CCDC149: variants seen among roughly 807,000 people sequenced by gnomAD.
CCDC149 encodes the protein coiled-coil domain-containing protein 149.
Under a neutral mutation model 59.9 loss-of-function variants are expected in CCDC149, and 45 were observed. The observed-to-expected ratio is 0.75, with a 90% CI of 0.59 to 0.96. The LOEUF is 0.96. CCDC149 is among the 40% of genes least tolerant of loss of function. The probability of loss-of-function intolerance (pLI) is 0.00; values close to 1 mark genes in which losing one functional copy is unlikely to be tolerated. For missense variants in CCDC149, 584 were observed against 664.7 expected (o/e 0.88, Z 1.33); for synonymous variants, 245 against 260.6 (o/e 0.94, Z 0.58).
chr4:24,894,856 C>A, intron 1 of CCDC149: 1 of 1,089,956 alleles, frequency 9.2e-7, no homozygotes, highest in Non-Finnish European at 1.3e-6. Flanking sequence ...AAGTCGCTGA[C>A]ACCCCTGCAG....
At chr4:24,968,337 C>G (rs1454224255) in intron 1 of CCDC149, among the ~76,000 whole-genome samples, 1 of 152,202 alleles carries the variant, frequency 6.6e-6, no homozygotes, top group African/African-American at 2.4e-5. Context: ...ACAGGATGGG[C>G]TGCAGTCATT....
At chr4:24,847,550 T>G (rs1717382119) in intron 4 of CCDC149, among the ~76,000 whole-genome samples, 1 of 152,224 alleles carries the variant, frequency 6.6e-6, no homozygotes, top group Admixed American at 6.5e-5. Context: ...TGTCCTCAGA[T>G]GCTAGAAAGT....
intron 4 of CCDC149, among the ~76,000 whole-genome samples, chr4:24,849,396 A>T (rs1400194742): frequency 6.6e-6 from 1 of 152,102 alleles, no homozygotes. Context: ...CACATCTCTC[A>T]TCTGGTTTGG....
chr4:24,916,310 G>T (rs893618107), upstream of CCDC149, among the ~76,000 whole-genome samples: 1 of 152,172 alleles, frequency 6.6e-6, no homozygotes, highest in Non-Finnish European at 1.5e-5. Flanking sequence ...TTAAAAGTTT[G>T]AGAGGGTTTT....
chr4:24,832,055 A>C (rs1716188754), intron 8 of CCDC149, among the ~76,000 whole-genome samples: 2 of 152,200 alleles, frequency 1.3e-5, no homozygotes, highest in South Asian at 4.1e-4. Flanking sequence ...TGCAAATGAC[A>C]ATCACTCCTA....
At chr4:24,819,003 A>C (rs58726197) in intron 12 of CCDC149, among the ~76,000 whole-genome samples, 1,755 of 152,318 alleles carry the variant, frequency 0.012, 30 homozygotes, top group African/African-American at 0.04. Flanking sequence ...TGTTGGGAAG[A>C]CAAGACTCCC....
At chr4:24,962,069 A>C (rs1268504199) in intron 1 of CCDC149, among the ~76,000 whole-genome samples, 2 of 151,522 alleles carry the variant, frequency 1.3e-5, no homozygotes, top group Non-Finnish European at 1.5e-5. Context: ...CATCTGACAA[A>C]GGGCTAATAT....
chr4:24,815,005 A>G (rs1714921518), intron 12 of CCDC149, among the ~76,000 whole-genome samples: 1 of 152,244 alleles, frequency 6.6e-6, no homozygotes. Context: ...AAATCTGGCC[A>G]GAAGTAATAT....
At chr4:24,825,629 T>C (rs535027811) in intron 9 of CCDC149, among the ~76,000 whole-genome samples, 13 of 151,756 alleles carry the variant, frequency 8.6e-5, no homozygotes, top group Admixed American at 5.9e-4. Flanking sequence ...AAAAATTAGC[T>C]GGGTGTGGTG....
intron 4 of CCDC149, among the ~76,000 whole-genome samples, chr4:24,840,322 T>G (rs893616631): frequency 1.3e-5 from 2 of 152,250 alleles, no homozygotes; most frequent in African/African-American, 4.8e-5. Flanking sequence ...GACGCTTAGA[T>G]GTGCAGATGG....
intron 3 of CCDC149, among the ~76,000 whole-genome samples, chr4:24,853,995 T>C (rs996710952): frequency 6.6e-6 from 1 of 152,192 alleles, no homozygotes; most frequent in Admixed American, 6.5e-5. Flanking sequence ...TTGCCTCCTG[T>C]TGGGATCCAG....
chr4:24,850,089 T>C (rs962294284), intron 4 of CCDC149, among the ~76,000 whole-genome samples: 1 of 152,254 alleles, frequency 6.6e-6, no homozygotes, highest in Non-Finnish European at 1.5e-5. Context: ...AAAGTACTGA[T>C]GACAACCAGA....
At chr4:24,964,018 G>C (rs1329993881) in intron 1 of CCDC149, among the ~76,000 whole-genome samples, 1 of 152,024 alleles carries the variant, frequency 6.6e-6, no homozygotes, top group Non-Finnish European at 1.5e-5. Flanking sequence ...AATATAGTGA[G>C]ATTCTATCTC....
intron 3 of CCDC149, among the ~76,000 whole-genome samples, chr4:24,857,625 G>A (rs957157007): frequency 6.6e-6 from 1 of 152,162 alleles, no homozygotes; most frequent in African/African-American, 2.4e-5. Flanking sequence ...CGGAGGGCAG[G>A]GCTGCTTTAG....
intron 1 of CCDC149, among the ~76,000 whole-genome samples, chr4:24,938,783 A>G (rs1722859353): frequency 6.6e-6 from 1 of 152,234 alleles, no homozygotes; most frequent in Non-Finnish European, 1.5e-5. Context: ...ACGCCCACGG[A>G]GCCTCACTCA....
chr4:24,846,651 C>CA (rs1284832640), intron 4 of CCDC149, among the ~76,000 whole-genome samples: 4 of 152,176 alleles, frequency 2.6e-5, no homozygotes, highest in African/African-American at 9.7e-5. Context: ...AGGTCTCTAT[C>CA]ATTTCACGGC....
upstream of CCDC149, among the ~76,000 whole-genome samples, chr4:24,917,380 G>A (rs892248354): frequency 9.9e-5 from 15 of 152,224 alleles, no homozygotes; most frequent in Admixed American, 3.9e-4. Context: ...GGCTGATGAC[G>A]GCCTGGCAGG....
intron 3 of CCDC149, among the ~76,000 whole-genome samples, chr4:24,855,674 T>C (rs1019260019): frequency 1.3e-5 from 2 of 152,012 alleles, no homozygotes; most frequent in Non-Finnish European, 2.9e-5. Context: ...TTTGAGAACA[T>C]TACTCAGTAA....
At chr4:24,843,000 A>G (rs1351707771) in intron 4 of CCDC149, among the ~76,000 whole-genome samples, 1 of 150,948 alleles carries the variant, frequency 6.6e-6, no homozygotes, top group African/African-American at 2.5e-5. Context: ...GGTGGGCTAC[A>G]TGTGACTTGT....
Sources: gnomAD v4.1 joint callset for allele counts (sites outside exome capture counted in the v4.1 genomes callset) on GRCh38, gnomAD v4.1.1 for gene constraint, MANE v1.5 for transcripts, NCBI Gene and HGNC (gene_info 2026-07-23, HGNC 2026-07-21) for gene names.